The following KANK2 variants were observed in gnomAD, a reference collection of about 807,000 sequenced individuals.
KANK2 encodes the protein KN motif and ankyrin repeat domains 2, also known as KN motif and ankyrin repeat domain-containing protein 2.
A neutral mutation model predicts 74.6 loss-of-function variants in KANK2; 41 were observed. The ratio of observed to expected loss-of-function variants is 0.55; its 90% confidence interval spans 0.43 to 0.71. KANK2 has a LOEUF of 0.71. Among genes scored for constraint, KANK2 ranks in the 30% least tolerant of loss-of-function variants. The pLI, the probability that KANK2 is intolerant of heterozygous loss-of-function variation, is 0.00. For missense variants in KANK2, 1,148 were observed against 1,196.4 expected, an observed-to-expected ratio of 0.96 and a Z score of 0.60; for synonymous variants, 537 against 519.0, an observed-to-expected ratio of 1.03 and a Z score of -0.47.
intron 10 of KANK2, among the ~76,000 whole-genome samples, chr19:11,172,122 C>T (rs542839404): frequency 3.3e-5 from 5 of 151,808 alleles, no homozygotes; most frequent in South Asian, 2.1e-4. Context: ...ATTATAGGCA[C>T]GTGCCACCAC....
chr19:11,192,789 C>CG lies in KANK2; in HGVS notation c.1249+41_1249+42insC, dbSNP rs780748259. ...GAGCCATGGGAAGAAAGAGGCCCCC[C>CG]CCCCCCAAGCCATTCTCCCCTGCCT... On this transcript the variant is annotated intron_variant, in intron 4 of 12. Coordinates refer to ENST00000586659, the MANE Select transcript of KANK2 (RefSeq NM_001136191.3). 8 of 1,576,754 alleles carry CG rather than the reference C, an allele frequency of 5.1e-6. No homozygotes were observed. The Admixed American group carries it at 1.4e-4, about 27-fold the overall frequency.
chr19:11,194,324 C>G, intron 3 of KANK2, 151 bp downstream of exon 3: 1 of 676,518 alleles, frequency 1.5e-6, no homozygotes, highest in Non-Finnish European at 2.5e-6. Context: ...CCTTCAGACC[C>G]TCCCAGGGCA....
chr19:11,189,830 G>A lies in KANK2; in HGVS notation c.1249+3001C>T, dbSNP rs182345448. Reference sequence around the variant, plus strand: ...GCCTCTCAGCTGCTCTGGGAGGCACGTCTGGAATGGTGGTTGCCTCTCAGA... The same window carrying A: ...GCCTCTCAGCTGCTCTGGGAGGCACATCTGGAATGGTGGTTGCCTCTCAGA... On this transcript the variant is annotated intron_variant, in intron 4 of 12. Transcript: ENST00000586659. Among the ~76,000 whole-genome samples the A allele has an allele frequency of 1.5e-3, 226 of 152,260 alleles. 1 individual carries two copies. Among genetic ancestry groups the A allele is most frequent in the African/African-American group, 5.1e-3 (212 of 41,550 alleles).
chr19:11,169,788 G>C (rs1442265608), intron 12 of KANK2, 89 bp downstream of exon 12: 1 of 1,112,454 alleles, frequency 9.0e-7, no homozygotes, highest in African/African-American at 1.5e-5. Flanking sequence ...GCGACAGAGT[G>C]AGACTCTGCC....
intron 8 of KANK2, among the ~76,000 whole-genome samples, chr19:11,175,343 G>T (rs1361850834): frequency 7.1e-6 from 1 of 140,262 alleles, no homozygotes; most frequent in East Asian, 2.2e-4. Flanking sequence ...CAGGAGAATT[G>T]CTTGAACCTG....
rs537823472 is a variant in KANK2 at position 11,171,225 on chromosome 19, T to A, written c.2212-977A>T. Among the ~76,000 whole-genome samples the A allele has an allele frequency of 8.5e-5, 13 of 152,154 alleles. No homozygotes were observed. The South Asian group carries it at 1.9e-3, about 22-fold the overall frequency. On this transcript the variant is annotated intron_variant, in intron 10 of 12. Coordinates refer to ENST00000586659, the MANE Select transcript of KANK2 (RefSeq NM_001136191.3). The stretch of plus-strand genomic sequence containing the variant: ...CAGTCTGGGCAACATAGCGAGACCA[T>A]GTCTCTAGTAAAAAATAAAATTAAT...
intron 4 of KANK2, among the ~76,000 whole-genome samples, chr19:11,185,511 T>TAA (rs886655749): frequency 6.8e-6 from 1 of 146,678 alleles, no homozygotes; most frequent in South Asian, 2.2e-4. Flanking sequence ...ATTCAACCAT[T>TAA]AAAAAAAAAC....
intron 6 of KANK2, among the ~76,000 whole-genome samples, chr19:11,177,352 C>T (rs2078374981): frequency 6.6e-6 from 1 of 151,668 alleles, no homozygotes; most frequent in Admixed American, 6.6e-5. Flanking sequence ...TGCGCACAGC[C>T]ACCTCTAGCC....
At chr19:11,184,904 G>T (rs764142567) in intron 4 of KANK2, among the ~76,000 whole-genome samples, 2 of 146,754 alleles carry the variant, frequency 1.4e-5, no homozygotes, top group Non-Finnish European at 3.0e-5. Flanking sequence ...CCTCTGCCTC[G>T]CGAGGTCAAG....
chr19:11,167,917 C>T (rs961668992), intron 12 of KANK2, among the ~76,000 whole-genome samples: 8 of 152,120 alleles, frequency 5.3e-5, no homozygotes, highest in African/African-American at 9.6e-5. Flanking sequence ...GTGATTCACT[C>T]CCTAACTTCT....
chr19:11,196,999 A>T (rs2079039544), intron 1 of KANK2: 1 of 151,902 alleles, frequency 6.6e-6, no homozygotes, highest in Admixed American at 6.6e-5. Context: ...GGCTAATGGC[A>T]AACAGCTGCC....
At chr19:11,192,592 C>T in intron 4 of KANK2, 2 of 468,680 alleles carry the variant, frequency 4.3e-6, no homozygotes, top group Admixed American at 2.9e-5. Flanking sequence ...CACGCCACCA[C>T]ACCTGGCTAA....
At chr19:11,190,917 G>C (rs1433912769) in intron 4 of KANK2, among the ~76,000 whole-genome samples, 2 of 151,662 alleles carry the variant, frequency 1.3e-5, no homozygotes, top group Admixed American at 1.3e-4. Context: ...TTTTAGTAGA[G>C]ACAGGGTTTC....
At position 11,165,912 on chromosome 19, in the gene KANK2, C is replaced by G. The variant is rs1056305643; in HGVS notation, c.*646G>C. ...GTAAGTCACAGAGCCTGTCCTGAGT[C>G]CCTTCATCTGAATGAGGGTGAAAAG... On this transcript the variant is annotated 3_prime_UTR_variant, in exon 13 of 13. Transcript: ENST00000586659. 2.0e-5 allele frequency: 3 copies of G among 152,158 alleles called. 1 individual carries two copies. The highest frequency in any genetic ancestry group is 2.0e-4 in the Admixed American group (3 of 15,256). The allele number at this position is 152,158 out of a possible 1,614,324, so 9.4% of individuals were successfully genotyped here.
chr19:11,182,049 C>T (rs1482741479), intron 4 of KANK2, among the ~76,000 whole-genome samples: 1 of 151,218 alleles, frequency 6.6e-6, no homozygotes, highest in African/African-American at 2.4e-5. Context: ...TCCTGAGTAG[C>T]TGGGATTACA....
chr19:11,176,077 A>G, intron 7 of KANK2, 88 bp from the exon 8 acceptor site: 5 of 993,692 alleles, frequency 5.0e-6, no homozygotes, highest in South Asian at 1.5e-5. Flanking sequence ...CGTCACTCAC[A>G]ATAGGGTCAC....
rs538910780 is a variant in KANK2 at position 11,186,469 on chromosome 19, G to A, written c.1249+6362C>T. Among the ~76,000 whole-genome samples, 19 of 152,212 alleles carry A rather than the reference G, an allele frequency of 1.2e-4. 1 individual carries two copies. The highest frequency in any genetic ancestry group is 4.1e-4 in the African/African-American group (17 of 41,530). On this transcript the variant is annotated intron_variant, in intron 4 of 12. Coordinates refer to ENST00000586659, the MANE Select transcript of KANK2 (RefSeq NM_001136191.3). The stretch of plus-strand genomic sequence containing the variant: ...TTCCAGCACTTTGGGAGGCCAAGGC[G>A]GGCAGATCAACTGAGGTCAGGAGTT...
In KANK2 at chr19:11,166,533, T is replaced by G. The variant is rs1332834734; in HGVS notation, c.*25A>C. The G allele has an allele frequency of 3.7e-6, 6 of 1,611,196 alleles. No individual in the cohort carries two copies. The stretch of plus-strand genomic sequence containing the variant: ...GACAAGGGACGGTTTGCTCCCGGTC[T>G]GGCTGGTCCCCGCCTCCCTCACGGC... On this transcript the variant is annotated 3_prime_UTR_variant, in exon 13 of 13. Coordinates refer to ENST00000586659, the MANE Select transcript of KANK2 (RefSeq NM_001136191.3).
chr19:11,185,667 G>A (rs1417428094), intron 4 of KANK2, among the ~76,000 whole-genome samples: 2 of 150,320 alleles, frequency 1.3e-5, no homozygotes, highest in East Asian at 1.9e-4. Flanking sequence ...AAGGCTACAA[G>A]TAATTGACTT....
Sources: gnomAD v4.1 joint callset for allele counts (sites outside exome capture counted in the v4.1 genomes callset) on GRCh38, gnomAD v4.1.1 for gene constraint, MANE v1.5 for transcripts, NCBI Gene and HGNC (gene_info 2026-07-23, HGNC 2026-07-21) for gene names.